Variants in ZGRF1 observed in about 807,000 individuals in gnomAD.
The protein encoded by ZGRF1 is zinc finger GRF-type containing 1.
Under a neutral mutation model 203.5 loss-of-function variants are expected in ZGRF1, and 196 were observed. The observed-to-expected ratio is 0.96, with a 90% CI of 0.86 to 1.08. ZGRF1 has a LOEUF of 1.08. Ranked by LOEUF, ZGRF1 falls within the 50% of genes least tolerant of loss-of-function variation. The pLI is 0.00. For synonymous variants in ZGRF1, 809 were observed against 841.3 expected (o/e 0.96, Z 0.66); for missense variants, 2,326 against 2,416.3 (o/e 0.96, Z 0.78).
intron 15 of ZGRF1, among the ~76,000 whole-genome samples, chr4:112,582,393 T>TCTG (rs1255111205): frequency 6.6e-6 from 1 of 151,954 alleles, no homozygotes; most frequent in Non-Finnish European, 1.5e-5. Context: ...TTCCATGAGA[T>TCTG]CTGCTTTTTT....
At chr4:112,606,286 C>G (rs934591886) in intron 8 of ZGRF1, among the ~76,000 whole-genome samples, 195 bp from the exon 9 acceptor site, 1 of 152,212 alleles carries the variant, frequency 6.6e-6, no homozygotes, top group Non-Finnish European at 1.5e-5. Flanking sequence ...AGGTAAGTCA[C>G]TATGCTAATT....
intron 16 of ZGRF1, among the ~76,000 whole-genome samples, chr4:112,568,235 A>C (rs1437455327): frequency 6.6e-6 from 1 of 152,108 alleles, no homozygotes; most frequent in Non-Finnish European, 1.5e-5. Flanking sequence ...ATGAAGATCC[A>C]TTTCCCAGAA....
intron 8 of ZGRF1, chr4:112,607,896 G>A (rs1235231368): frequency 6.6e-6 from 1 of 152,172 alleles, no homozygotes; most frequent in Non-Finnish European, 1.5e-5. Context: ...AGCTGTGACT[G>A]TGCCACTGCA....
chr4:112,559,242 A>G (rs1389214403), intron 19 of ZGRF1, among the ~76,000 whole-genome samples: 1 of 152,148 alleles, frequency 6.6e-6, no homozygotes, highest in African/African-American at 2.4e-5. Flanking sequence ...TCTGTTGCCC[A>G]GGCTGGAGTG....
At chr4:112,605,288 G>A (rs753200697) in intron 9 of ZGRF1, among the ~76,000 whole-genome samples, 16 of 152,132 alleles carry the variant, frequency 1.1e-4, no homozygotes, top group Non-Finnish European at 1.8e-4. Flanking sequence ...AGCCTCCAGA[G>A]TAGCTGGGAC....
intron 10 of ZGRF1, among the ~76,000 whole-genome samples, chr4:112,595,497 C>T (rs906923575): frequency 1.3e-5 from 2 of 151,822 alleles, no homozygotes; most frequent in Admixed American, 6.6e-5. Flanking sequence ...GCAAAAGGAT[C>T]GCTTGAGGAT....
At chr4:112,636,115 G>C (rs949150301) in intron 1 of ZGRF1, among the ~76,000 whole-genome samples, 9 of 152,160 alleles carry the variant, frequency 5.9e-5, no homozygotes, top group Non-Finnish European at 8.8e-5. Context: ...GAGATGCAAA[G>C]AGTTTTTTCC....
At position 112,547,031 on chromosome 4, in the gene ZGRF1, T is replaced by C. The variant is rs1230195398; in HGVS notation, c.5598+254A>G. On this transcript the variant is annotated intron_variant, in intron 24 of 27. Coordinates refer to ENST00000505019, the MANE Select transcript of ZGRF1 (RefSeq NM_018392.5). ...GTAGATAATAGAGACATTATAGGTT[T>C]TTTTGGTTTTAGAGCAAAAGTTATA... is the stretch of plus-strand genomic sequence containing the variant. 7 of 294,138 alleles carry C rather than the reference T, an allele frequency of 2.4e-5. No homozygotes were observed. In the Admixed American group the frequency reaches 3.2e-4, roughly 13 times the overall value. The allele number at this position is 294,138 out of a possible 1,614,324, so 18.2% of individuals were successfully genotyped here.
At chr4:112,622,602 C>T (rs748019512) in intron 4 of ZGRF1, among the ~76,000 whole-genome samples, 26 of 151,442 alleles carry the variant, frequency 1.7e-4, no homozygotes, top group African/African-American at 5.8e-4. Context: ...ACCTTCAGAC[C>T]GACCCTGTAA....
intron 7 of ZGRF1, among the ~76,000 whole-genome samples, chr4:112,611,418 AAAAAT>A (rs773178457): frequency 5.9e-5 from 9 of 152,206 alleles, no homozygotes; most frequent in Non-Finnish European, 1.0e-4. Flanking sequence ...AAATAAAAAC[AAAAAT>A]AAAATGGAGG....
intron 16 of ZGRF1, among the ~76,000 whole-genome samples, chr4:112,569,257 T>C (rs1033916818): frequency 1.4e-4 from 21 of 152,342 alleles, no homozygotes; most frequent in African/African-American, 4.1e-4. Flanking sequence ...CTACTCAAAG[T>C]AGGCTGTCCT....
intron 10 of ZGRF1, among the ~76,000 whole-genome samples, chr4:112,598,268 G>A (rs1362328093): frequency 6.6e-6 from 1 of 152,082 alleles, no homozygotes; most frequent in African/African-American, 2.4e-5. Flanking sequence ...CTGTATTAAG[G>A]AGTATTTTAT....
chr4:112,631,432 G>A (rs1170492657), intron 3 of ZGRF1, among the ~76,000 whole-genome samples: 1 of 152,266 alleles, frequency 6.6e-6, no homozygotes, highest in East Asian at 1.9e-4. Context: ...CACTTTGGGA[G>A]GCTGAGGCAG....
intron 6 of ZGRF1, among the ~76,000 whole-genome samples, chr4:112,613,802 T>C (rs2046776311): frequency 6.6e-6 from 1 of 152,196 alleles, no homozygotes; most frequent in Non-Finnish European, 1.5e-5. Context: ...AAAAAGTACA[T>C]ATTCAATAAT....
chr4:112,583,855 T>C, intron 15 of ZGRF1, 123 bp downstream of exon 15: 1 of 590,156 alleles, frequency 1.7e-6, no homozygotes. Context: ...GTTTAGAAAC[T>C]GAGGTATTCC....
At chr4:112,582,829 T>G (rs1422992558) in intron 15 of ZGRF1, among the ~76,000 whole-genome samples, 2 of 152,168 alleles carry the variant, frequency 1.3e-5, no homozygotes, top group African/African-American at 4.8e-5. Context: ...TTTTTATGGC[T>G]GAGTAAGATC....
intron 8 of ZGRF1, among the ~76,000 whole-genome samples, chr4:112,608,695 T>C (rs1296621812): frequency 6.6e-6 from 1 of 152,208 alleles, no homozygotes; most frequent in Non-Finnish European, 1.5e-5. Flanking sequence ...ATTTGTAAGC[T>C]AAATTTTGTA....
intron 8 of ZGRF1, among the ~76,000 whole-genome samples, chr4:112,607,136 T>C (rs1466845817): frequency 6.6e-6 from 1 of 152,152 alleles, no homozygotes; most frequent in Non-Finnish European, 1.5e-5. Context: ...TTTTCTTTTT[T>C]TTTTAAGAGA....
At position 112,617,853 on chromosome 4, in the gene ZGRF1, G is replaced by A. The variant is rs1324677485; in HGVS notation, c.2189C>T (p.Ser730Leu). ...LDKNDEHVLP[S>L]TSSSDNSVQL... Reference sequence around the variant, plus strand: ...GACACTGTTGTCACTACTAGAAGTTGAGGGTAAAACATGTTCATCATTTTT... The same window carrying A: ...GACACTGTTGTCACTACTAGAAGTTAAGGGTAAAACATGTTCATCATTTTT... Residue 730 changes from serine (S) to leucine (L), a missense_variant, in exon 6 of 28, where the codon TCA becomes TTA. Transcript: ENST00000505019. The A allele has an allele frequency of 1.2e-6, 2 of 1,613,906 alleles. No homozygotes were observed. Among genetic ancestry groups the A allele is most frequent in the African/African-American group, 1.3e-5 (1 of 74,918 alleles).
Sources: gnomAD v4.1 joint callset for allele counts (sites outside exome capture counted in the v4.1 genomes callset) on GRCh38, gnomAD v4.1.1 for gene constraint, MANE v1.5 for transcripts, NCBI Gene and HGNC (gene_info 2026-07-23, HGNC 2026-07-21) for gene names.